SCD5: variants seen among roughly 807,000 people sequenced by gnomAD.
SCD5 encodes the protein stearoyl-CoA desaturase 5.
SCD5 carries 20 observed loss-of-function variants against 30.4 expected under a neutral mutation model. The ratio of observed to expected loss-of-function variants is 0.66; its 90% confidence interval spans 0.46 to 0.96. SCD5 has a LOEUF of 0.96. Among genes scored for constraint, SCD5 ranks in the 40% least tolerant of loss-of-function variants. SCD5 has a pLI of 0.00. For missense variants in SCD5, 381 were observed against 443.3 expected (o/e 0.86, Z 1.26); for synonymous variants, 173 against 176.4 (o/e 0.98, Z 0.16).
At chr4:82,758,917 C>T (rs1206047280) in intron 1 of SCD5, among the ~76,000 whole-genome samples, 2 of 152,166 alleles carry the variant, frequency 1.3e-5, no homozygotes, top group Admixed American at 1.3e-4. Context: ...AAGCACATCC[C>T]CTACAATCCT....
chr4:82,641,768 G>C (rs1414875954), intron 3 of SCD5, among the ~76,000 whole-genome samples: 1 of 152,204 alleles, frequency 6.6e-6, no homozygotes, highest in Non-Finnish European at 1.5e-5. Flanking sequence ...AACCTGGATA[G>C]TCATGGAGGT....
At chr4:82,632,920 T>C (rs576334037) in intron 4 of SCD5, among the ~76,000 whole-genome samples, 25 of 152,350 alleles carry the variant, frequency 1.6e-4, no homozygotes, top group African/African-American at 5.8e-4. Flanking sequence ...CTGAGATATG[T>C]ATAAATTTTG....
chr4:82,793,303 C>G (rs1341901678), intron 1 of SCD5, among the ~76,000 whole-genome samples: 1 of 152,042 alleles, frequency 6.6e-6, no homozygotes, highest in Admixed American at 6.6e-5. Flanking sequence ...TGGCTGTGCT[C>G]AAAAATCCCA....
Position 82,761,988 on chromosome 4 carries a change from C to T in SCD5, c.232+36318G>A, listed in dbSNP as rs551095802. Among the ~76,000 whole-genome samples, 17 of 151,998 alleles carry T rather than the reference C, an allele frequency of 1.1e-4. No homozygotes were observed. The South Asian group carries it at 2.1e-3, about 19-fold the overall frequency. On this transcript the variant is annotated intron_variant, in intron 1 of 4. Transcript: ENST00000319540. ...AGGAGTTTGAGACTAGCCTGGGCAA[C>T]ATGGCAAGACCCCATCTCTACAAAA...
intron 3 of SCD5, among the ~76,000 whole-genome samples, chr4:82,669,708 A>T (rs973920020): frequency 2.0e-5 from 3 of 152,226 alleles, no homozygotes; most frequent in Non-Finnish European, 4.4e-5. Flanking sequence ...CAGAAAAAAA[A>T]AATAAATTCC....
intron 1 of SCD5, among the ~76,000 whole-genome samples, chr4:82,785,806 G>A (rs909189694): frequency 1.3e-5 from 2 of 152,166 alleles, no homozygotes; most frequent in African/African-American, 4.8e-5. Flanking sequence ...GTGGAAGGGG[G>A]AGATATGTAG....
intron 1 of SCD5, among the ~76,000 whole-genome samples, chr4:82,735,661 A>G (rs947099741): frequency 1.9e-4 from 29 of 152,342 alleles, no homozygotes; most frequent in African/African-American, 7.0e-4. Context: ...TACCCACCAC[A>G]TGACTGCTGT....
At chr4:82,698,322 G>A (rs72661279) in intron 2 of SCD5, among the ~76,000 whole-genome samples, 4,229 of 152,148 alleles carry the variant, frequency 0.028, 93 homozygotes, top group South Asian at 0.091. Flanking sequence ...CTACACAACC[G>A]CCACTGCATG....
intron 1 of SCD5, among the ~76,000 whole-genome samples, chr4:82,786,582 C>T (rs1721992183): frequency 6.6e-6 from 1 of 152,002 alleles, no homozygotes; most frequent in African/African-American, 2.4e-5. Context: ...GGCGGATCAC[C>T]TGAGTTCAGG....
At chr4:82,740,933 CTTT>C (rs34077562) in intron 1 of SCD5, among the ~76,000 whole-genome samples, 21,559 of 143,620 alleles carry the variant, frequency 0.15, 2,776 homozygotes, top group African/African-American at 0.35. Context: ...TTTCCCAATT[CTTT>C]TTTTTTTTTT....
chr4:82,640,520 G>A (rs1727520905), intron 3 of SCD5, among the ~76,000 whole-genome samples: 1 of 152,200 alleles, frequency 6.6e-6, no homozygotes. Flanking sequence ...GATGAAAGAA[G>A]GAATTTTTAG....
At chr4:82,781,565 G>A (rs540330055) in intron 1 of SCD5, among the ~76,000 whole-genome samples, 1 of 152,288 alleles carries the variant, frequency 6.6e-6, no homozygotes, top group African/African-American at 2.4e-5. Context: ...TCATGTGTTG[G>A]AAACTTGATT....
chr4:82,796,937 CAGG>C (rs1722236912), intron 1 of SCD5, among the ~76,000 whole-genome samples: 1 of 152,160 alleles, frequency 6.6e-6, no homozygotes, highest in South Asian at 2.1e-4. Flanking sequence ...AAAGATGAAG[CAGG>C]AGATTTCCCA....
chr4:82,775,511 G>A (rs1040855164), intron 1 of SCD5: 1 of 152,234 alleles, frequency 6.6e-6, no homozygotes, highest in Non-Finnish European at 1.5e-5. Flanking sequence ...GCCATGCCAC[G>A]TGCAACCTAT....
chr4:82,655,981 G>A (rs1727860016), intron 3 of SCD5, among the ~76,000 whole-genome samples: 1 of 152,056 alleles, frequency 6.6e-6, no homozygotes, highest in South Asian at 2.1e-4. Flanking sequence ...GTCAGTGGGT[G>A]GCAAATGAAA....
chr4:82,664,989 C>CTATATA (rs1258047236), intron 3 of SCD5, among the ~76,000 whole-genome samples: 4 of 103,238 alleles, frequency 3.9e-5, no homozygotes, highest in East Asian at 5.1e-4. Flanking sequence ...CTCTCTCTCT[C>CTATATA]TCTCTCTCTC....
chr4:82,709,791 T>C (rs1388519896), intron 1 of SCD5, among the ~76,000 whole-genome samples: 2 of 152,230 alleles, frequency 1.3e-5, no homozygotes, highest in African/African-American at 4.8e-5. Context: ...TTATTCACAA[T>C]AGCCAGAAGG....
In SCD5 at chr4:82,773,079, C is replaced by G. The variant is rs180676041; in HGVS notation, c.232+25227G>C. Among the ~76,000 whole-genome samples the G allele has an allele frequency of 3.5e-4, 53 of 152,190 alleles. 1 individual carries two copies. Among genetic ancestry groups the G allele is most frequent in the African/African-American group, 2.4e-5 (1 of 41,528 alleles). ...TGTTTTTCATTCCTGATCCTGCAGG[C>G]CCTGGCCAGCACCCCAGGACACAGG... is the stretch of plus-strand genomic sequence containing the variant. On this transcript the variant is annotated intron_variant, in intron 1 of 4. Coordinates refer to ENST00000319540, the MANE Select transcript of SCD5 (RefSeq NM_001037582.3).
intron 1 of SCD5, among the ~76,000 whole-genome samples, chr4:82,739,563 C>G (rs1421633587): frequency 6.6e-6 from 1 of 152,214 alleles, no homozygotes; most frequent in Non-Finnish European, 1.5e-5. Flanking sequence ...GGTGGTGGCC[C>G]AGGCCAGGGC....
Sources: gnomAD v4.1 joint callset for allele counts (sites outside exome capture counted in the v4.1 genomes callset) on GRCh38, gnomAD v4.1.1 for gene constraint, MANE v1.5 for transcripts, NCBI Gene and HGNC (gene_info 2026-07-23, HGNC 2026-07-21) for gene names.